The following TUSC3 variants were observed in gnomAD, a reference collection of about 807,000 sequenced individuals.
TUSC3 encodes tumor suppressor candidate 3, also known as dolichyl-diphosphooligosaccharide--protein glycosyltransferase subunit TUSC3.
A neutral mutation model predicts 44.8 loss-of-function variants in TUSC3; 45 were observed. The ratio of observed to expected loss-of-function variants is 1.00; its 90% CI spans 0.79 to 1.29. The LOEUF (loss-of-function observed/expected upper bound fraction) is 1.29, where lower values mean the gene tolerates loss of function less well. Ranked by LOEUF, TUSC3 falls within the 50% of genes most tolerant of loss-of-function variation. The pLI is 0.00. For synonymous variants in TUSC3, 212 were observed against 152.9 expected (o/e 1.39, Z -2.85); for missense variants, 519 against 437.9 (o/e 1.19, Z -1.65).
chr8:15,829,342 G>C, the TUSC3 span, among the ~76,000 whole-genome samples: 1 of 152,136 alleles, frequency 6.6e-6, no homozygotes, highest in East Asian at 1.9e-4. Context: ...TTTTAGTTTT[G>C]AAACATACTG....
At chr8:15,435,217 T>C (rs376528416) in intron 1 of TUSC3, among the ~76,000 whole-genome samples, 22,615 of 151,474 alleles carry the variant, frequency 0.15, 1,780 homozygotes, top group Middle Eastern at 0.22. Flanking sequence ...GACTTTTTAA[T>C]GATCGCCATT....
intron 6 of TUSC3, among the ~76,000 whole-genome samples, chr8:15,676,433 C>T (rs1429919453): frequency 6.6e-6 from 1 of 152,068 alleles, no homozygotes; most frequent in African/African-American, 2.4e-5. Flanking sequence ...TCTTTTTAGT[C>T]TGTTGATAGT....
chr8:15,521,561 G>T (rs11203710), intron 2 of TUSC3, among the ~76,000 whole-genome samples: 19,413 of 152,018 alleles, frequency 0.13, 1,913 homozygotes, highest in African/African-American at 0.27. Flanking sequence ...ATTGAAAGAA[G>T]AATTCTCTTG....
chr8:15,567,295 CTTACTG>C (rs947030525), intron 1 of TUSC3, among the ~76,000 whole-genome samples: 1 of 152,170 alleles, frequency 6.6e-6, no homozygotes, highest in Non-Finnish European at 1.5e-5. Context: ...TTCTTCCTAA[CTTACTG>C]TTTCTTTACT....
chr8:15,769,654 G>T (rs1812407339), downstream of TUSC3, among the ~76,000 whole-genome samples: 1 of 152,088 alleles, frequency 6.6e-6, no homozygotes, highest in Admixed American at 6.5e-5. Context: ...CCTACAGAAT[G>T]GGAAAAAATT....
At chr8:15,574,612 A>G (rs1000709341) in intron 1 of TUSC3, among the ~76,000 whole-genome samples, 3 of 152,110 alleles carry the variant, frequency 2.0e-5, no homozygotes, top group Non-Finnish European at 4.4e-5. Flanking sequence ...ATAAGTTGGT[A>G]ATTTTTCTGA....
chr8:15,814,696 T>C, the TUSC3 span, among the ~76,000 whole-genome samples: 2 of 152,220 alleles, frequency 1.3e-5, no homozygotes. Flanking sequence ...CCAGAGTTTT[T>C]CTTTTGCGCA....
rs182798840 is a variant in TUSC3, at chr8:15,602,197, C to T, written c.139-20883C>T. Among the ~76,000 whole-genome samples the T allele has an allele frequency of 3.9e-3, 590 of 151,652 alleles. 2 individuals are homozygous for T. Among genetic ancestry groups the T allele is most frequent in the Non-Finnish European group, 6.4e-3 (431 of 67,680 alleles). On this transcript the variant is annotated intron_variant, in intron 1 of 10. Transcript: ENST00000503731. Reference sequence around the variant, plus strand: ...CTGAAGTCCAAAATGCTTCTCTTCCCGAGCATTTTGGATGAGGGATACTCA... The same window carrying T: ...CTGAAGTCCAAAATGCTTCTCTTCCTGAGCATTTTGGATGAGGGATACTCA...
Position 15,511,318 on chromosome 8 carries a change from T to G in TUSC3, n.189+27835T>G, listed in dbSNP as rs555764484. Among the ~76,000 whole-genome samples the G allele has an allele frequency of 1.4e-4, 22 of 152,022 alleles. No individual in the cohort carries two copies. In the East Asian group the frequency reaches 4.3e-3, roughly 30 times the overall value. ...TGAGGAAAGGAAATCCAGATTGGAATAGAAGAAAGAGAAAGCAAAACTGTA... is the reference window on the plus strand; with the variant it reads ...TGAGGAAAGGAAATCCAGATTGGAAGAGAAGAAAGAGAAAGCAAAACTGTA... On this transcript the variant is annotated intron_variant and non_coding_transcript_variant, in intron 2 of 5. Coordinates refer to the TUSC3 transcript ENST00000503191.
intron 1 of TUSC3, among the ~76,000 whole-genome samples, chr8:15,619,495 AT>A (rs1554460826): frequency 6.3e-4 from 93 of 146,788 alleles, no homozygotes; most frequent in Middle Eastern, 3.6e-3. Flanking sequence ...TATTCCATAT[AT>A]TTTTTTTTTT....
At chr8:15,447,841 A>G (rs184436379) in intron 1 of TUSC3, among the ~76,000 whole-genome samples, 23 of 152,024 alleles carry the variant, frequency 1.5e-4, no homozygotes, top group Admixed American at 1.2e-3. Context: ...GAGAACCCAT[A>G]AAAACAGAGA....
intron 1 of TUSC3, among the ~76,000 whole-genome samples, chr8:15,562,417 T>C (rs1802511493): frequency 6.6e-6 from 1 of 152,120 alleles, no homozygotes; most frequent in South Asian, 2.1e-4. Flanking sequence ...GGATGTAAAG[T>C]GTAAGGGTGG....
the TUSC3 span, among the ~76,000 whole-genome samples, chr8:15,820,944 T>C: frequency 6.6e-6 from 1 of 152,126 alleles, no homozygotes; most frequent in South Asian, 2.1e-4. Flanking sequence ...GAGGTAAAAA[T>C]TGAGTTTTAG....
intron 1 of TUSC3, among the ~76,000 whole-genome samples, chr8:15,584,533 A>G (rs1021860815): frequency 4.6e-5 from 7 of 152,196 alleles, no homozygotes; most frequent in African/African-American, 1.4e-4. Flanking sequence ...CAAGAGCAAT[A>G]TAAGTGCTAT....
downstream of TUSC3, among the ~76,000 whole-genome samples, chr8:15,767,489 AAAG>A (rs1812364093): frequency 1.3e-5 from 2 of 152,094 alleles, no homozygotes; most frequent in African/African-American, 4.8e-5. Flanking sequence ...TTTAAAAAAA[AAAG>A]TTTACCAAAC....
chr8:15,655,302 C>T (rs749130344), intron 3 of TUSC3, among the ~76,000 whole-genome samples: 3 of 152,118 alleles, frequency 2.0e-5, no homozygotes, highest in African/African-American at 7.2e-5. Context: ...GACAAAATGG[C>T]GGTGTTTAAC....
chr8:15,806,791 C>G, the TUSC3 span: 1 of 819,376 alleles, frequency 1.2e-6, no homozygotes. Flanking sequence ...CTTTTTCTAG[C>G]GGATTTGCAA....
At chr8:15,842,822 C>T in the TUSC3 span, among the ~76,000 whole-genome samples, 1 of 152,164 alleles carries the variant, frequency 6.6e-6, no homozygotes, top group Admixed American at 6.5e-5. Context: ...TGTACATCTC[C>T]CCAGGATATT....
intron 1 of TUSC3, among the ~76,000 whole-genome samples, chr8:15,605,724 A>G (rs1386856838): frequency 6.6e-6 from 1 of 151,988 alleles, no homozygotes; most frequent in Non-Finnish European, 1.5e-5. Flanking sequence ...AAAGGTCAAA[A>G]CTTGTTAAAA....
Sources: allele counts gnomAD v4.1 joint callset (sites outside exome capture counted in the v4.1 genomes callset), GRCh38; gene constraint gnomAD v4.1.1; transcripts MANE v1.5; gene names NCBI Gene and HGNC (gene_info 2026-07-23, HGNC 2026-07-21).